UBE2D3: variants seen among roughly 807,000 people sequenced by gnomAD.
UBE2D3 encodes the protein ubiquitin-conjugating enzyme E2 D3.
A neutral mutation model predicts 22.8 loss-of-function variants in UBE2D3; 2 were observed. The observed-to-expected ratio is 0.09, with a 90% confidence interval of 0.04 to 0.28. The LOEUF is 0.28. Among genes scored for constraint, UBE2D3 ranks in the 10% least tolerant of loss-of-function variants. The pLI, the probability that UBE2D3 is intolerant of heterozygous loss-of-function variation, is 1.00. For synonymous variants in UBE2D3, 56 were observed against 60.4 expected, an observed-to-expected ratio of 0.93 and a Z score of 0.34; for missense variants, 27 against 182.5, an observed-to-expected ratio of 0.15 and a Z score of 4.91.
At position 102,818,598 on chromosome 4, in the gene UBE2D3, C is replaced by T. The variant is rs557693466; in HGVS notation, c.24+7887G>A. On this transcript the variant is annotated intron_variant, in intron 2 of 7. Transcript: ENST00000453744. The stretch of plus-strand genomic sequence containing the variant: ...CACAACTGAGTTGTTTGCCTATTTC[C>T]TGAAGACCTGGTGGGCACCATGGTA... Among the ~76,000 whole-genome samples the T allele has an allele frequency of 7.2e-5, 11 of 152,244 alleles. No homozygotes were observed. The South Asian group carries it at 2.3e-3, about 32-fold the overall frequency.
At chr4:102,841,560 A>G (rs1386448307) in intron 1 of UBE2D3, among the ~76,000 whole-genome samples, 1 of 152,122 alleles carries the variant, frequency 6.6e-6, no homozygotes, top group Non-Finnish European at 1.5e-5. Context: ...TAGGCCTTCA[A>G]TGCATATTAC....
intron 1 of UBE2D3, among the ~76,000 whole-genome samples, chr4:102,865,343 T>C (rs756072246): frequency 2.6e-5 from 4 of 151,742 alleles, no homozygotes; most frequent in Non-Finnish European, 5.9e-5. Context: ...AATACAAAAA[T>C]TAGCCGGGAG....
upstream of UBE2D3, among the ~76,000 whole-genome samples, chr4:102,829,377 A>T (rs1230811956): frequency 6.6e-6 from 1 of 152,182 alleles, no homozygotes; most frequent in Admixed American, 6.5e-5. Flanking sequence ...AGCTAGCCAG[A>T]TATACTAAAA....
At chr4:102,831,265 A>C (rs1011238461), upstream of UBE2D3, among the ~76,000 whole-genome samples, 5 of 152,242 alleles carry the variant, frequency 3.3e-5, no homozygotes, top group Non-Finnish European at 7.3e-5. Flanking sequence ...TGTTTGCACA[A>C]AAATCAAATT....
At chr4:102,834,927 T>C (rs955444421) in intron 1 of UBE2D3, among the ~76,000 whole-genome samples, 1 of 152,004 alleles carries the variant, frequency 6.6e-6, no homozygotes, top group African/African-American at 2.4e-5. Flanking sequence ...TACAGGCATA[T>C]GCCACTAGGC....
At chr4:102,804,876 G>A (rs1021342974) in intron 4 of UBE2D3, among the ~76,000 whole-genome samples, 1 of 151,962 alleles carries the variant, frequency 6.6e-6, no homozygotes, top group Non-Finnish European at 1.5e-5. Flanking sequence ...CGGAGTTTTT[G>A]TTGTCTTTTT....
At chr4:102,843,537 C>T (rs1471711850) in intron 1 of UBE2D3, 2 of 152,176 alleles carry the variant, frequency 1.3e-5, no homozygotes, top group Non-Finnish European at 2.9e-5. Flanking sequence ...GCCTCTACTC[C>T]TTCAGCACTT....
chr4:102,838,228 C>T (rs751004886), intron 1 of UBE2D3, among the ~76,000 whole-genome samples: 5 of 152,266 alleles, frequency 3.3e-5, no homozygotes, highest in Admixed American at 3.3e-4. Context: ...GAACTAAACC[C>T]ACAGTATCTC....
At chr4:102,846,864 G>C (rs1732063296) in intron 1 of UBE2D3, among the ~76,000 whole-genome samples, 1 of 150,684 alleles carries the variant, frequency 6.6e-6, no homozygotes, top group African/African-American at 2.4e-5. Flanking sequence ...GGCTAGTCTT[G>C]AACTCCTGGG....
chr4:102,812,949 TG>T (rs1441925675), intron 2 of UBE2D3: 1 of 152,134 alleles, frequency 6.6e-6, no homozygotes, highest in Non-Finnish European at 1.5e-5. Flanking sequence ...ACCTCAAAAG[TG>T]CTACTTTCAA....
chr4:102,805,634 T>C (rs766254243), intron 4 of UBE2D3, among the ~76,000 whole-genome samples: 20 of 152,048 alleles, frequency 1.3e-4, no homozygotes, highest in Non-Finnish European at 2.6e-4. Context: ...ATTACAGGCA[T>C]GTGCCACTAC....
chr4:102,827,514 G>C lies in UBE2D3; in HGVS notation c.-216C>G, dbSNP rs1043198927. On this transcript the variant is annotated 5_prime_UTR_variant, in exon 1 of 8. Coordinates refer to ENST00000453744, the MANE Select transcript of UBE2D3 (RefSeq NM_181891.3). ...CTCCCCGGCCCTACGGGGCTCACGCGCACGACACAGCCACAAGATGTCCGC... is the reference window on the plus strand; with the variant it reads ...CTCCCCGGCCCTACGGGGCTCACGCCCACGACACAGCCACAAGATGTCCGC... The C allele has an allele frequency of 2.0e-6, 2 of 985,958 alleles. No individual in the cohort carries two copies. Among genetic ancestry groups the C allele is most frequent in the Non-Finnish European group, 2.4e-6 (2 of 830,060 alleles). The allele number at this position is 985,958 out of a possible 1,614,324, so 61.1% of individuals were successfully genotyped here.
chr4:102,840,596 A>G (rs984105504), intron 1 of UBE2D3, among the ~76,000 whole-genome samples: 1 of 152,142 alleles, frequency 6.6e-6, no homozygotes. Context: ...GGATGAAGAG[A>G]CGTTGGTGAA....
intron 1 of UBE2D3, among the ~76,000 whole-genome samples, chr4:102,866,481 A>C (rs1174195133): frequency 6.6e-6 from 1 of 152,186 alleles, no homozygotes; most frequent in African/African-American, 2.4e-5. Flanking sequence ...GCCTCTATTG[A>C]ACATTCTGTA....
At chr4:102,828,132 G>A (rs1730872096), upstream of UBE2D3, 3 of 985,466 alleles carry the variant, frequency 3.0e-6, no homozygotes, top group Non-Finnish European at 3.6e-6. Flanking sequence ...GGAAAGCAAC[G>A]CCCCTGAATG....
chr4:102,846,071 G>T (rs1182727535), intron 1 of UBE2D3, among the ~76,000 whole-genome samples: 1 of 152,134 alleles, frequency 6.6e-6, no homozygotes, highest in Non-Finnish European at 1.5e-5. Flanking sequence ...GATTACAGAC[G>T]TGAGCCACTG....
chr4:102,843,564 A>G (rs2110359420), intron 1 of UBE2D3: 1 of 152,290 alleles, frequency 6.6e-6, no homozygotes, highest in African/African-American at 2.4e-5. Context: ...CAACCCACAT[A>G]AACTGTCATC....
At chr4:102,810,102 C>A in intron 2 of UBE2D3, 1 of 429,586 alleles carries the variant, frequency 2.3e-6, no homozygotes, top group Non-Finnish European at 4.2e-6. Context: ...TACATAAAAG[C>A]CAATCTCTTA....
chr4:102,838,108 ACT>A (rs1239247481), intron 1 of UBE2D3, among the ~76,000 whole-genome samples: 1 of 151,994 alleles, frequency 6.6e-6, no homozygotes. Flanking sequence ...ACAGAGCAAG[ACT>A]CTGTCTCAAA....
Sources: allele counts gnomAD v4.1 joint callset (sites outside exome capture counted in the v4.1 genomes callset), GRCh38; gene constraint gnomAD v4.1.1; transcripts MANE v1.5; gene names NCBI Gene and HGNC (gene_info 2026-07-23, HGNC 2026-07-21).